The following LRMDA variants were observed in gnomAD, a reference collection of about 807,000 sequenced individuals.
The protein encoded by LRMDA is leucine-rich melanocyte differentiation-associated protein.
LRMDA carries 18 observed loss-of-function variants against 29.8 expected under a neutral mutation model. The ratio of observed to expected loss-of-function variants is 0.60; its 90% CI spans 0.42 to 0.90. The LOEUF (loss-of-function observed/expected upper bound fraction) is 0.90, where lower values mean the gene tolerates loss of function less well. Among genes scored for constraint, LRMDA ranks in the 40% least tolerant of loss-of-function variants. The pLI is 0.00. For synonymous variants in LRMDA, 125 were observed against 109.4 expected, an observed-to-expected ratio of 1.14 and a Z score of -0.89; for missense variants, 273 against 273.9, an observed-to-expected ratio of 1.00 and a Z score of 0.02.
At position 75,513,540 on chromosome 10, in the gene LRMDA, G is replaced by A. The variant is rs943268525; in HGVS notation, c.131+75046G>A. Among the ~76,000 whole-genome samples the A allele has an allele frequency of 5.3e-5, 8 of 152,256 alleles. No individual in the cohort carries two copies. In the East Asian group the frequency reaches 1.3e-3, roughly 26 times the overall value. ...CAGTGGCTTAAAAACAATGCACAAT[G>A]TATTCCCTCACAACTCTGGAGGTCA... On this transcript the variant is annotated intron_variant, in intron 2 of 6. Transcript: ENST00000611255.
At chr10:75,947,308 G>A (rs9416102) in intron 2 of LRMDA, among the ~76,000 whole-genome samples, 45,334 of 152,004 alleles carry the variant, frequency 0.3, 7,271 homozygotes, top group South Asian at 0.43. Flanking sequence ...GGATGAGTTG[G>A]CTCAGGTGAC....
At chr10:75,647,928 C>G (rs1226088149) in intron 2 of LRMDA, among the ~76,000 whole-genome samples, 1 of 152,084 alleles carries the variant, frequency 6.6e-6, no homozygotes, top group Non-Finnish European at 1.5e-5. Context: ...AGTTCTGGAG[C>G]TCGCAGTTGT....
At chr10:75,916,455 C>T (rs935005068) in intron 2 of LRMDA, among the ~76,000 whole-genome samples, 4 of 152,046 alleles carry the variant, frequency 2.6e-5, no homozygotes, top group Non-Finnish European at 4.4e-5. Context: ...GCGCCTCATT[C>T]CCCAGGAGGT....
At chr10:75,639,847 C>A (rs1048353935) in intron 2 of LRMDA, among the ~76,000 whole-genome samples, 9 of 152,124 alleles carry the variant, frequency 5.9e-5, no homozygotes, top group Admixed American at 5.9e-4. Flanking sequence ...CGGCTGCGCT[C>A]GGAGAGCGGA....
intron 2 of LRMDA, among the ~76,000 whole-genome samples, chr10:75,462,376 C>G (rs1355685206): frequency 6.6e-6 from 1 of 152,110 alleles, no homozygotes; most frequent in Non-Finnish European, 1.5e-5. Context: ...GGTGTAGTCT[C>G]TTTTGTTTTT....
chr10:75,640,342 G>T (rs527661582), intron 2 of LRMDA, among the ~76,000 whole-genome samples: 1 of 152,168 alleles, frequency 6.6e-6, no homozygotes, highest in South Asian at 2.1e-4. Flanking sequence ...TGCATTTATG[G>T]ACAATGAACA....
At chr10:76,184,893 A>G (rs1213474553) in intron 5 of LRMDA, among the ~76,000 whole-genome samples, 1 of 152,250 alleles carries the variant, frequency 6.6e-6, no homozygotes, top group Non-Finnish European at 1.5e-5. Context: ...ACTAATCTAC[A>G]TATTGGCAAC....
chr10:75,684,695 T>C (rs1842062548), intron 2 of LRMDA, among the ~76,000 whole-genome samples: 1 of 152,142 alleles, frequency 6.6e-6, no homozygotes, highest in African/African-American at 2.4e-5. Context: ...TAATTTAAGA[T>C]GGGGTGTTTT....
At chr10:75,900,349 C>T (rs921592861) in intron 2 of LRMDA, among the ~76,000 whole-genome samples, 2 of 152,248 alleles carry the variant, frequency 1.3e-5, no homozygotes, top group Middle Eastern at 3.4e-3. Flanking sequence ...GCTTGGAAGG[C>T]TTGATTTGAA....
chr10:76,017,579 G>A (rs1052512028), intron 2 of LRMDA, among the ~76,000 whole-genome samples: 4 of 152,144 alleles, frequency 2.6e-5, no homozygotes, highest in Non-Finnish European at 5.9e-5. Flanking sequence ...TTCTGTCCGA[G>A]GTCTCCCATT....
At chr10:76,109,241 G>T (rs1009520290) in intron 5 of LRMDA, among the ~76,000 whole-genome samples, 1 of 152,136 alleles carries the variant, frequency 6.6e-6, no homozygotes, top group Non-Finnish European at 1.5e-5. Context: ...GATGTTTGAT[G>T]ACCTTAATAG....
At chr10:75,459,074 C>G (rs1050201128) in intron 2 of LRMDA, among the ~76,000 whole-genome samples, 5 of 151,404 alleles carry the variant, frequency 3.3e-5, no homozygotes, top group Non-Finnish European at 5.9e-5. Context: ...AGGCAGTACG[C>G]AGCAAGATGG....
intron 2 of LRMDA, among the ~76,000 whole-genome samples, chr10:75,764,828 A>G (rs181656128): frequency 3.3e-5 from 5 of 152,236 alleles, no homozygotes; most frequent in Admixed American, 3.3e-4. Context: ...GGTGGAAAGC[A>G]ATCTGGTTGT....
intron 5 of LRMDA, among the ~76,000 whole-genome samples, chr10:76,189,699 T>G (rs1433891563): frequency 1.3e-5 from 2 of 152,204 alleles, no homozygotes; most frequent in Non-Finnish European, 2.9e-5. Context: ...TCAAATTAAT[T>G]TAAATGTCCC....
intron 2 of LRMDA, among the ~76,000 whole-genome samples, chr10:75,942,871 A>C (rs1232990906): frequency 1.3e-5 from 2 of 152,142 alleles, no homozygotes; most frequent in Admixed American, 1.3e-4. Context: ...TGCGGTTTTC[A>C]GTAGTCTTTT....
Position 75,871,844 on chromosome 10 carries a change from G to A in LRMDA, c.132-164164G>A, listed in dbSNP as rs957988849. The stretch of plus-strand genomic sequence containing the variant: ...TTACCCTTTGTTTTCATCAAACCAG[G>A]TTCCTTAAGGGCAGAGATTGTGTCT... On this transcript the variant is annotated intron_variant, in intron 2 of 6. Coordinates refer to ENST00000611255, the MANE Select transcript of LRMDA (RefSeq NM_001305581.2). Among the ~76,000 whole-genome samples, 4 of 152,216 alleles carry A rather than the reference G, an allele frequency of 2.6e-5. No homozygotes were observed. In the East Asian group the frequency reaches 7.7e-4, roughly 29 times the overall value.
chr10:75,490,735 T>C (rs1844976882), intron 2 of LRMDA, among the ~76,000 whole-genome samples: 1 of 152,202 alleles, frequency 6.6e-6, no homozygotes, highest in South Asian at 2.1e-4. Flanking sequence ...TTTCCATCTA[T>C]GTGACCCTAC....
At chr10:76,110,192 A>G (rs899469463) in intron 5 of LRMDA, among the ~76,000 whole-genome samples, 3 of 152,088 alleles carry the variant, frequency 2.0e-5, no homozygotes, top group Non-Finnish European at 2.9e-5. Context: ...TGTCACCCCT[A>G]CAGGTATGCA....
intron 2 of LRMDA, among the ~76,000 whole-genome samples, chr10:75,799,680 T>TTGTGTGTGTGTGTG (rs57575125): frequency 6.6e-5 from 9 of 136,214 alleles, no homozygotes; most frequent in African/African-American, 2.5e-4. Flanking sequence ...ATTCCTAGCT[T>TTGTGTGTGTGTGTG]TGTGTGTGTG....
Sources: gnomAD v4.1 joint callset for allele counts (sites outside exome capture counted in the v4.1 genomes callset) on GRCh38, gnomAD v4.1.1 for gene constraint, MANE v1.5 for transcripts, NCBI Gene and HGNC (gene_info 2026-07-23, HGNC 2026-07-21) for gene names.